The following HMCN2 variants were observed in gnomAD, a reference collection of about 807,000 sequenced individuals.
HMCN2 encodes the protein hemicentin 2.
In HMCN2, 325 loss-of-function variants were observed where a neutral mutation model predicts 377.5. The observed-to-expected ratio is 0.86, with a 90% CI of 0.79 to 0.94. The LOEUF is 0.94. Ranked by LOEUF, HMCN2 falls within the 40% of genes least tolerant of loss-of-function variation. The pLI is 0.00. For missense variants in HMCN2, 4,543 were observed against 4,725.3 expected (o/e 0.96, Z 1.13); for synonymous variants, 2,007 against 2,046.8 (o/e 0.98, Z 0.53).
At chr9:130,366,586 T>C (rs962250347) in intron 43 of HMCN2, among the ~76,000 whole-genome samples, 1 of 148,068 alleles carries the variant, frequency 6.8e-6, no homozygotes, top group Non-Finnish European at 1.5e-5. Context: ...CCTGAGTAGC[T>C]GGGATTACAG....
chr9:130,404,773 G>A, intron 80 of HMCN2, 96 bp from the exon 81 acceptor site: 1 of 852,026 alleles, frequency 1.2e-6, no homozygotes. Flanking sequence ...GATGGCCAGG[G>A]AGGGCTGAAG....
intron 24 of HMCN2, among the ~76,000 whole-genome samples, chr9:130,341,708 C>T (rs1369016171): frequency 6.6e-6 from 1 of 152,066 alleles, no homozygotes; most frequent in Non-Finnish European, 1.5e-5. Flanking sequence ...GCACTGGACC[C>T]AGGGCCATCC....
intron 90 of HMCN2, among the ~76,000 whole-genome samples, chr9:130,426,760 A>ACTT (rs71499241): frequency 2.1e-5 from 3 of 143,566 alleles, no homozygotes; most frequent in Non-Finnish European, 3.0e-5. Flanking sequence ...ATTTTTTGTG[A>ACTT]TTTTTTTTTT....
Position 130,394,687 on chromosome 9 carries a change from T to C in HMCN2, c.10692+112T>C. 1 of 844,586 alleles carries C rather than the reference T, an allele frequency of 1.2e-6. No homozygotes were observed. Among genetic ancestry groups the C allele is most frequent in the Non-Finnish European group, 1.6e-6 (1 of 617,798 alleles). The allele number at this position is 844,586 out of a possible 1,614,324, so 52.3% of individuals were successfully genotyped here. On this transcript the variant is annotated intron_variant, in intron 69 of 97. Coordinates refer to ENST00000683500, the MANE Select transcript of HMCN2 (RefSeq NM_001291815.2). The surrounding 1 kb of genome is among the most constrained non-coding windows in gnomAD (Gnocchi z 5.1). ...CAAAGTTGGGCTGAAGCACCTCCTC[T>C]GTGTGGGGTGTGAGGGTGTGGAGGT...
Position 130,308,687 on chromosome 9 carries a change from G to T in HMCN2, c.2200+1121G>T, listed in dbSNP as rs1554937761. On this transcript the variant is annotated intron_variant, in intron 14 of 97. Transcript: ENST00000683500. The surrounding 1 kb of genome is among the most constrained non-coding windows in gnomAD (Gnocchi z 4.1). ...GACTCCTTCCTCACTGCATATTCTG[G>T]CCAAGAACCCCGTCAACCCAGCCCT... Among the ~76,000 whole-genome samples, 1 of 152,136 alleles carries T rather than the reference G, an allele frequency of 6.6e-6. No homozygotes were observed. The highest frequency in any genetic ancestry group is 1.5e-5 in the Non-Finnish European group (1 of 68,022).
intron 39 of HMCN2, 23 bp downstream of exon 39, chr9:130,362,188 G>A (rs898086845): frequency 2.2e-5 from 22 of 985,670 alleles, no homozygotes; most frequent in African/African-American, 5.2e-5. Context: ...GGGTGGCCCC[G>A]GCTCAACCTC....
chr9:130,309,811 C>A (rs534687841), intron 14 of HMCN2, 101 bp from the exon 15 acceptor site: 2 of 351,216 alleles, frequency 5.7e-6, no homozygotes, highest in African/African-American at 2.2e-5. Flanking sequence ...CAGGCCCCAA[C>A]CTTGTGCAGC....
At chr9:130,306,088 C>T (rs1564768727) in intron 11 of HMCN2, 41 bp from the exon 12 acceptor site, 1 of 468,358 alleles carries the variant, frequency 2.1e-6, no homozygotes, top group Non-Finnish European at 4.4e-6. Flanking sequence ...CACGGCTGCT[C>T]TGATGGGCTC....
intron 1 of HMCN2, among the ~76,000 whole-genome samples, chr9:130,266,607 C>A (rs562719666): frequency 6.6e-6 from 1 of 152,356 alleles, no homozygotes; most frequent in East Asian, 1.9e-4. Flanking sequence ...CAGAGGCAGG[C>A]CTTGAGACGA....
At position 130,351,801 on chromosome 9, in the gene HMCN2, T is replaced by C. The variant is rs1045373153; in HGVS notation, c.4585+224T>C. On this transcript the variant is annotated intron_variant, in intron 30 of 97. Transcript: ENST00000683500. The surrounding 1 kb of genome is among the most constrained non-coding windows in gnomAD (Gnocchi z 5.4). The stretch of plus-strand genomic sequence containing the variant: ...AAATCCGTGGTTTCCATCCCAGCTC[T>C]AAAAATTTACTACTTATGTTTTTTT... Among the ~76,000 whole-genome samples the C allele has an allele frequency of 6.6e-6, 1 of 151,992 alleles. No homozygotes were observed. The highest frequency in any genetic ancestry group is 1.5e-5 in the Non-Finnish European group (1 of 67,986).
At chr9:130,358,060 G>A (rs981310957) in intron 35 of HMCN2, 72 bp downstream of exon 35, 10 of 1,201,964 alleles carry the variant, frequency 8.3e-6, no homozygotes, top group Non-Finnish European at 8.7e-6. Context: ...GGGCTTCCTG[G>A]AGACTCTGAG....
chr9:130,349,448 TGG>T, intron 28 of HMCN2, 87 bp from the exon 29 acceptor site: 2 of 1,230,172 alleles, frequency 1.6e-6, no homozygotes, highest in Non-Finnish European at 2.1e-6. Context: ...GGGCCCAGGC[TGG>T]GGGGTCTGCA....
chr9:130,300,436 A>G (rs1554933966), intron 8 of HMCN2, among the ~76,000 whole-genome samples: 1 of 152,212 alleles, frequency 6.6e-6, no homozygotes, highest in African/African-American at 2.4e-5. Flanking sequence ...CCGAGTCACC[A>G]TTTGGACACT....
chr9:130,312,733 T>TCGG (rs1445637968), intron 15 of HMCN2, among the ~76,000 whole-genome samples: 1 of 150,324 alleles, frequency 6.7e-6, no homozygotes, highest in Non-Finnish European at 1.5e-5. Flanking sequence ...AGGCGCAATC[T>TCGG]CGGCTCACTG....
At chr9:130,403,492 C>G (rs553188523) in intron 79 of HMCN2, among the ~76,000 whole-genome samples, 164 bp downstream of exon 79, 44 of 152,310 alleles carry the variant, frequency 2.9e-4, no homozygotes, top group African/African-American at 1.1e-3. Flanking sequence ...CTGGCCTCCC[C>G]CTCCCCAACC....
At chr9:130,404,049 T>G (rs569279583) in intron 80 of HMCN2, among the ~76,000 whole-genome samples, 174 bp downstream of exon 80, 1 of 152,332 alleles carries the variant, frequency 6.6e-6, no homozygotes, top group East Asian at 1.9e-4. Flanking sequence ...TAAATTCCCA[T>G]CCCCTCTGCC....
Position 130,303,559 on chromosome 9 carries a change from C to T in HMCN2, c.1494C>T (p.Ala498=), listed in dbSNP as rs782333886. The change falls in exon 10 of 98, where the codon GCC becomes GCT. Residue 498 remains alanine, a synonymous_variant. Transcript: ENST00000683500. The surrounding 1 kb of genome is among the most constrained non-coding windows in gnomAD (Gnocchi z 5.2). ...KAEEGTYECT[A]VSRAGTGRAK... ...AGGAGGGCACGTACGAGTGCACAGC[C>T]GTCAGCAGGGCTGGGACCGGGCGAG... is the stretch of plus-strand genomic sequence containing the variant. 15 of 392,652 alleles carry T rather than the reference C, an allele frequency of 3.8e-5. 1 individual carries two copies. The highest frequency in any genetic ancestry group is 1.5e-4 in the South Asian group (8 of 54,084). 24.3% of individuals were successfully genotyped at this position (392,652 alleles called of 1,614,324 possible).
In HMCN2 at chr9:130,369,138, A is replaced by T. The variant is rs1588326563; in HGVS notation, c.6788-432A>T. Among the ~76,000 whole-genome samples, 1 of 151,812 alleles carries T rather than the reference A, an allele frequency of 6.6e-6. No homozygotes were observed. Among genetic ancestry groups the T allele is most frequent in the South Asian group, 2.1e-4 (1 of 4,828 alleles). Reference sequence around the variant, plus strand: ...ATATATGATGGAAACCTAAAGCCCTATCTACTGGTCCTGCAGTGATGAAAT... The same window carrying T: ...ATATATGATGGAAACCTAAAGCCCTTTCTACTGGTCCTGCAGTGATGAAAT... On this transcript the variant is annotated intron_variant, in intron 44 of 97. Coordinates refer to ENST00000683500, the MANE Select transcript of HMCN2 (RefSeq NM_001291815.2). This position sits in a 1 kb window ranked among gnomAD's most constrained non-coding sequence, Gnocchi z 4.5.
chr9:130,349,889 T>C (rs1225612881), intron 29 of HMCN2, among the ~76,000 whole-genome samples: 1 of 61,452 alleles, frequency 1.6e-5, no homozygotes, highest in Non-Finnish European at 3.3e-5. Context: ...TAGCCTTTCC[T>C]TTTTTTTTTT....
Sources: gnomAD v4.1 joint callset for allele counts (sites outside exome capture counted in the v4.1 genomes callset) on GRCh38, gnomAD v4.1.1 for gene constraint, Gnocchi (gnomAD v3.1) non-coding constraint, MANE v1.5 for transcripts, NCBI Gene and HGNC (gene_info 2026-07-23, HGNC 2026-07-21) for gene names.